Variants in NCKAP5 observed in about 807,000 individuals in gnomAD.
NCKAP5 encodes NCK associated protein 5.
Under a neutral mutation model 167.0 loss-of-function variants are expected in NCKAP5, and 92 were observed. The observed-to-expected ratio is 0.55, with a 90% CI of 0.47 to 0.66. The LOEUF (loss-of-function observed/expected upper bound fraction) is 0.66. Among genes scored for constraint, NCKAP5 ranks in the 30% least tolerant of loss-of-function variants. The pLI is 0.00. For missense variants in NCKAP5, 2,378 were observed against 2,315.0 expected (o/e 1.03, Z -0.56); for synonymous variants, 891 against 877.4 (o/e 1.02, Z -0.27).
At chr2:132,770,298 C>T (rs181853739) in intron 16 of NCKAP5, among the ~76,000 whole-genome samples, 30 of 150,900 alleles carry the variant, frequency 2.0e-4, no homozygotes, top group African/African-American at 7.0e-4. Flanking sequence ...TTCATGTTTG[C>T]CTTCCTCCAG....
intron 9 of NCKAP5, among the ~76,000 whole-genome samples, chr2:132,870,149 T>C (rs1195610151): frequency 6.6e-6 from 1 of 152,172 alleles, no homozygotes; most frequent in Admixed American, 6.6e-5. Context: ...ATGTTCCTGG[T>C]GTTTCAAATA....
intron 16 of NCKAP5, among the ~76,000 whole-genome samples, chr2:132,760,248 T>C (rs1464772162): frequency 6.6e-6 from 1 of 152,178 alleles, no homozygotes; most frequent in Non-Finnish European, 1.5e-5. Flanking sequence ...TCCTGTCTGA[T>C]GTAAACTCTC....
chr2:132,882,518 C>T (rs1228572062), intron 8 of NCKAP5, among the ~76,000 whole-genome samples: 1 of 152,064 alleles, frequency 6.6e-6, no homozygotes, highest in Non-Finnish European at 1.5e-5. Context: ...GGTACGCTAC[C>T]CAAACCAGTG....
At chr2:133,459,166 CT>C (rs1386248173) in intron 3 of NCKAP5, among the ~76,000 whole-genome samples, 6 of 152,232 alleles carry the variant, frequency 3.9e-5, no homozygotes, top group Admixed American at 3.9e-4. Flanking sequence ...GAAGGATTTT[CT>C]TAGCATTTTC....
intron 3 of NCKAP5, among the ~76,000 whole-genome samples, chr2:133,352,829 G>A (rs2150824471): frequency 6.6e-6 from 1 of 152,326 alleles, no homozygotes; most frequent in East Asian, 1.9e-4. Flanking sequence ...GGCACTTTTA[G>A]TACTAGCCAA....
chr2:133,002,908 G>A lies in NCKAP5; in HGVS notation c.342-8669C>T, dbSNP rs189518161. 3.2e-3 allele frequency among the ~76,000 whole-genome samples: 480 copies of A among 152,234 alleles called. 3 individuals carry two copies. Among genetic ancestry groups the A allele is most frequent in the South Asian group, 0.019 (91 of 4,816 alleles). ...TTCCCATAGACCTATGTATGCATGC[G>A]ACTAGTCAGAGAAGTAGATACAGTG... On this transcript the variant is annotated intron_variant, in intron 6 of 19. Transcript: ENST00000409261.
At chr2:133,164,517 G>A (rs565855190) in intron 5 of NCKAP5, among the ~76,000 whole-genome samples, 28 of 152,308 alleles carry the variant, frequency 1.8e-4, no homozygotes, top group African/African-American at 6.7e-4. Context: ...TTATTATGTA[G>A]TCTTGTTGTT....
chr2:132,985,133 A>G (rs1014236756), intron 7 of NCKAP5, among the ~76,000 whole-genome samples: 16 of 152,134 alleles, frequency 1.1e-4, no homozygotes, highest in East Asian at 7.7e-4. Flanking sequence ...TTTTATTCAC[A>G]GGTTATATTT....
intron 3 of NCKAP5, among the ~76,000 whole-genome samples, chr2:133,402,716 A>T (rs1574888450): frequency 6.6e-6 from 1 of 152,118 alleles, no homozygotes; most frequent in East Asian, 1.9e-4. Flanking sequence ...ACCAAGTGAC[A>T]TGCCTGCTCC....
chr2:133,209,763 C>T (rs1023274012), intron 5 of NCKAP5, among the ~76,000 whole-genome samples: 9 of 151,994 alleles, frequency 5.9e-5, no homozygotes, highest in Non-Finnish European at 5.9e-5. Context: ...ACAATTACAT[C>T]ATAGTTATGT....
the NCKAP5 span, among the ~76,000 whole-genome samples, chr2:133,667,903 C>T: frequency 6.6e-6 from 1 of 151,906 alleles, no homozygotes; most frequent in East Asian, 1.9e-4. Flanking sequence ...TTTGTCAACC[C>T]CAAAAAGAAA....
Position 133,517,547 on chromosome 2 carries a change from T to C in NCKAP5, c.-21A>G, listed in dbSNP as rs1037093347. 2.0e-6 allele frequency: 3 copies of C among 1,482,396 alleles called. No homozygotes were observed. The African/African-American group carries it at 4.2e-5, about 21-fold the overall frequency. The allele number at this position is 1,482,396 out of a possible 1,614,324, so 91.8% of individuals were successfully genotyped here. ...TCCATGGATGAAGTTATTTATTTTCTTTTGTGACTTATAAGAATCCCCCGT... is the reference window on the plus strand; with the variant it reads ...TCCATGGATGAAGTTATTTATTTTCCTTTGTGACTTATAAGAATCCCCCGT... On this transcript the variant is annotated 5_prime_UTR_variant, in exon 3 of 20. Transcript: ENST00000409261.
intron 3 of NCKAP5, among the ~76,000 whole-genome samples, chr2:133,462,173 T>G (rs536761192): frequency 6.6e-6 from 1 of 152,356 alleles, no homozygotes; most frequent in East Asian, 1.9e-4. Context: ...GTTTCCTTGT[T>G]GGTATCTTCC....
chr2:133,457,424 C>T (rs1256389123), intron 3 of NCKAP5, among the ~76,000 whole-genome samples: 1 of 152,094 alleles, frequency 6.6e-6, no homozygotes, highest in Non-Finnish European at 1.5e-5. Context: ...AAGATGCCCA[C>T]AGAAACACAC....
At chr2:133,539,382 T>G (rs1340419583) in intron 2 of NCKAP5, among the ~76,000 whole-genome samples, 1 of 152,030 alleles carries the variant, frequency 6.6e-6, no homozygotes, top group Non-Finnish European at 1.5e-5. Flanking sequence ...GAAGCTCCAA[T>G]TCAAGATGAA....
intron 19 of NCKAP5, among the ~76,000 whole-genome samples, chr2:132,688,715 A>G (rs947573059): frequency 6.6e-6 from 1 of 152,142 alleles, no homozygotes; most frequent in South Asian, 2.1e-4. Flanking sequence ...GAAGAAGCAC[A>G]GGACTTCATT....
At chr2:132,885,497 C>T (rs1410824738) in intron 8 of NCKAP5, among the ~76,000 whole-genome samples, 1 of 152,136 alleles carries the variant, frequency 6.6e-6, no homozygotes, top group Non-Finnish European at 1.5e-5. Flanking sequence ...TAGACTTAGC[C>T]CGGGATTTCC....
intron 3 of NCKAP5, among the ~76,000 whole-genome samples, chr2:133,372,658 A>G (rs933155432): frequency 3.9e-5 from 6 of 152,218 alleles, no homozygotes; most frequent in Non-Finnish European, 8.8e-5. Context: ...TGCTTTAAAT[A>G]AATACATATT....
chr2:133,662,993 G>A, the NCKAP5 span, among the ~76,000 whole-genome samples: 4 of 152,192 alleles, frequency 2.6e-5, no homozygotes, highest in African/African-American at 7.2e-5. Context: ...GGGGCCGGGC[G>A]CGGTGGCTCA....
Sources: gnomAD v4.1 joint callset for allele counts (sites outside exome capture counted in the v4.1 genomes callset) on GRCh38, gnomAD v4.1.1 for gene constraint, MANE v1.5 for transcripts, NCBI Gene and HGNC (gene_info 2026-07-23, HGNC 2026-07-21) for gene names.